Variants in PRKCB observed in about 807,000 individuals in gnomAD.
PRKCB encodes the protein protein kinase C beta type.
PRKCB carries 13 observed loss-of-function variants against 81.5 expected under a neutral mutation model. That is an observed-to-expected ratio of 0.16 (90% CI 0.10 to 0.25). PRKCB has a LOEUF of 0.25. PRKCB is among the 10% of genes least tolerant of loss of function. The pLI is 1.00. For missense variants in PRKCB, 509 were observed against 875.7 expected, an observed-to-expected ratio of 0.58 and a Z score of 5.29; for synonymous variants, 335 against 321.4, an observed-to-expected ratio of 1.04 and a Z score of -0.45.
At chr16:24,061,920 A>C (rs867058150) in intron 5 of PRKCB, among the ~76,000 whole-genome samples, 2,637 of 149,234 alleles carry the variant, frequency 0.018, 102 homozygotes, top group African/African-American at 0.063. Context: ...TAAAAAAAAA[A>C]AAAAAAAAAA....
chr16:24,219,954 TTGGCAG>T lies in PRKCB; in HGVS notation c.*5139_*5144del. The T allele has an allele frequency of 6.2e-7, 1 of 1,613,838 alleles. No homozygotes were observed. The highest frequency in any genetic ancestry group is 8.5e-7 in the Non-Finnish European group (1 of 1,179,922). On this transcript the variant is annotated 3_prime_UTR_variant, in exon 17 of 17. Transcript: ENST00000643927. ...CTGTGTTAATGTGTTTACTTTCCAT[TTGGCAG>T]AGAGACAAGAGAGACACCTCCAACT...
intron 5 of PRKCB, among the ~76,000 whole-genome samples, chr16:24,082,058 A>C (rs1396006978): frequency 6.6e-6 from 1 of 152,228 alleles, no homozygotes; most frequent in Non-Finnish European, 1.5e-5. Context: ...ACAAAAATCA[A>C]TTGTATTTCT....
chr16:23,881,554 A>G (rs977567796), intron 2 of PRKCB, among the ~76,000 whole-genome samples: 1 of 152,124 alleles, frequency 6.6e-6, no homozygotes, highest in African/African-American at 2.4e-5. Context: ...ACCCTGGCCC[A>G]TTCCCGTTTT....
chr16:23,990,601 G>T (rs1221262717), intron 3 of PRKCB, among the ~76,000 whole-genome samples: 2 of 150,522 alleles, frequency 1.3e-5, no homozygotes, highest in Non-Finnish European at 2.9e-5. Context: ...CCAGAGTGTG[G>T]TGGCATGATC....
At chr16:23,837,335 C>T in intron 1 of PRKCB, 40 bp from the exon 2 acceptor site, 1 of 1,612,782 alleles carries the variant, frequency 6.2e-7, no homozygotes, top group Non-Finnish European at 8.5e-7. Context: ...AGGCTGGGCC[C>T]CCCGGGCTGC....
intron 7 of PRKCB, among the ~76,000 whole-genome samples, chr16:24,104,899 G>C (rs968358898): frequency 6.6e-6 from 1 of 152,106 alleles, no homozygotes; most frequent in Non-Finnish European, 1.5e-5. Flanking sequence ...TGAAGAACAC[G>C]GGGAGCCAAG....
At chr16:24,167,866 T>C (rs1967372127) in intron 10 of PRKCB, among the ~76,000 whole-genome samples, 1 of 152,232 alleles carries the variant, frequency 6.6e-6, no homozygotes, top group Non-Finnish European at 1.5e-5. Context: ...ACTTACCCTT[T>C]CTGAGCTTCA....
At chr16:23,935,778 A>G (rs1425734634) in intron 2 of PRKCB, among the ~76,000 whole-genome samples, 2 of 152,246 alleles carry the variant, frequency 1.3e-5, no homozygotes, top group African/African-American at 4.8e-5. Context: ...GAGCAAGAAC[A>G]GAAAATCAAA....
chr16:23,875,656 A>ACACATACATGTATGTATAT (rs1962996368), intron 2 of PRKCB, among the ~76,000 whole-genome samples: 4 of 93,752 alleles, frequency 4.3e-5, no homozygotes, highest in Admixed American at 3.2e-4. Flanking sequence ...TATGTATATC[A>ACACATACATGTATGTATAT]CACATATATA....
chr16:24,062,941 AT>A lies in PRKCB; in HGVS notation c.529+27396del, dbSNP rs879288855. ...GGGCTCTTTTCCTTTTTAGTTTCTGATTGAGTTCAAGCAGTAAGAGGCATTG... is the reference window on the plus strand; with the variant it reads ...GGGCTCTTTTCCTTTTTAGTTTCTGATGAGTTCAAGCAGTAAGAGGCATTG... On this transcript the variant is annotated intron_variant, in intron 5 of 16. Coordinates refer to ENST00000643927, the MANE Select transcript of PRKCB (RefSeq NM_002738.7). 4.1e-4 allele frequency among the ~76,000 whole-genome samples: 62 copies of A among 151,500 alleles called. 3 individuals are homozygous for A. The highest frequency in any genetic ancestry group is 6.8e-3 in the Middle Eastern group (2 of 294).
chr16:23,848,527 ATC>A (rs1337773689), intron 2 of PRKCB, among the ~76,000 whole-genome samples: 1 of 152,198 alleles, frequency 6.6e-6, no homozygotes, highest in East Asian at 1.9e-4. Context: ...CAATAGGGAC[ATC>A]TCTCTTCACT....
At chr16:24,037,077 C>A (rs567293749) in intron 5 of PRKCB, among the ~76,000 whole-genome samples, 2 of 152,284 alleles carry the variant, frequency 1.3e-5, no homozygotes, top group Non-Finnish European at 1.5e-5. Flanking sequence ...GAACCTCCAC[C>A]TCCCGGGTTC....
At chr16:24,006,886 G>A (rs1219269457) in intron 3 of PRKCB, among the ~76,000 whole-genome samples, 2 of 152,208 alleles carry the variant, frequency 1.3e-5, no homozygotes, top group Non-Finnish European at 2.9e-5. Flanking sequence ...TTGGAACAAC[G>A]TGTTTGCTAC....
chr16:23,896,549 G>C (rs537229909), intron 2 of PRKCB, among the ~76,000 whole-genome samples: 1 of 152,078 alleles, frequency 6.6e-6, no homozygotes, highest in Admixed American at 6.5e-5. Context: ...ATTAGTGAAC[G>C]TGCATGTGAG....
At chr16:23,869,076 T>C (rs112048867) in intron 2 of PRKCB, 2 of 453,532 alleles carry the variant, frequency 4.4e-6, no homozygotes. Context: ...GATTATACAT[T>C]TCACACATGG....
At chr16:24,050,586 T>G (rs1346782337) in intron 5 of PRKCB, among the ~76,000 whole-genome samples, 1 of 152,182 alleles carries the variant, frequency 6.6e-6, no homozygotes, top group African/African-American at 2.4e-5. Flanking sequence ...TGCTTACCTC[T>G]ACTTATGCTC....
At chr16:24,161,820 C>T (rs996536113) in intron 10 of PRKCB, among the ~76,000 whole-genome samples, 15 of 152,078 alleles carry the variant, frequency 9.9e-5, no homozygotes, top group Admixed American at 2.6e-4. Flanking sequence ...TGGAGGTTGC[C>T]GGCATTATTA....
chr16:24,100,128 T>A (rs1016226653), intron 7 of PRKCB, among the ~76,000 whole-genome samples: 1 of 152,170 alleles, frequency 6.6e-6, no homozygotes, highest in African/African-American at 2.4e-5. Flanking sequence ...AGTCTTATGA[T>A]CTCTACTTTA....
chr16:23,996,906 T>G (rs1964964440), intron 3 of PRKCB, among the ~76,000 whole-genome samples: 1 of 152,144 alleles, frequency 6.6e-6, no homozygotes, highest in Non-Finnish European at 1.5e-5. Flanking sequence ...AATCAGCATC[T>G]AGTATATGGT....
Sources: gnomAD v4.1 joint callset for allele counts (sites outside exome capture counted in the v4.1 genomes callset) on GRCh38, gnomAD v4.1.1 for gene constraint, MANE v1.5 for transcripts, NCBI Gene and HGNC (gene_info 2026-07-23, HGNC 2026-07-21) for gene names.